Variants in ITGA5 observed in about 807,000 individuals in gnomAD.
ITGA5 encodes the protein integrin subunit alpha 5, also known as integrin alpha-5.
In ITGA5, 55 loss-of-function variants were observed where a neutral mutation model predicts 146.3. The ratio of observed to expected loss-of-function variants is 0.38; its 90% CI spans 0.30 to 0.47. ITGA5 has a LOEUF of 0.47. Among genes scored for constraint, ITGA5 ranks in the 20% least tolerant of loss-of-function variants. ITGA5 has a pLI of 0.99. For missense variants in ITGA5, 1,131 were observed against 1,329.0 expected, an observed-to-expected ratio of 0.85 and a Z score of 2.32; for synonymous variants, 500 against 531.8, an observed-to-expected ratio of 0.94 and a Z score of 0.82.
chr12:54,402,076 G>A lies in ITGA5; in HGVS notation c.2151C>T (p.Ser717=), dbSNP rs771162987. 1 of 1,614,184 alleles carries A rather than the reference G, an allele frequency of 6.2e-7. No homozygotes were observed. The highest frequency in any genetic ancestry group is 1.1e-5 in the South Asian group (1 of 91,086). Reference sequence around the variant, plus strand: ...TCTGGTTCACGGCAAAGTAGTCACAGCTCAGGCTGGAGAAGTTCTGGAGAT... The same window carrying A: ...TCTGGTTCACGGCAAAGTAGTCACAACTCAGGCTGGAGAAGTTCTGGAGAT... ...VRHPGNFSSL[S]CDYFAVNQSR... The change falls in exon 21 of 30, where the codon AGC becomes AGT. Residue 717 remains serine (S), a synonymous_variant. Transcript: ENST00000293379.
chr12:54,411,790 T>G, intron 2 of ITGA5, 44 bp downstream of exon 2: 6 of 1,334,148 alleles, frequency 4.5e-6, no homozygotes, highest in Non-Finnish European at 6.0e-6. Flanking sequence ...GCCCCCAGGC[T>G]GCAGTCCCAC....
At chr12:54,405,053 C>A in intron 12 of ITGA5, 113 bp downstream of exon 12, 1 of 1,230,128 alleles carries the variant, frequency 8.1e-7, no homozygotes. Flanking sequence ...GATTTTAACC[C>A]CTCGGGAAGT....
rs1291255820 is a variant in ITGA5 at position 54,409,797 on chromosome 12, C to CACACAT, written c.350-206_350-201dup. 5.3e-6 allele frequency: 3 copies of CACACAT among 565,802 alleles called. No homozygotes were observed. The highest frequency in any genetic ancestry group is 3.0e-5 in the East Asian group (1 of 33,766). The allele number at this position is 565,802 out of a possible 1,614,324, so 35.0% of individuals were successfully genotyped here. A position where few individuals can be genotyped will look rare whatever the true frequency, so the allele number is the denominator to read the frequency against. The stretch of plus-strand genomic sequence containing the variant: ...TGTAGCCTGACTTATCTCTCCACTA[C>CACACAT]ACACATACACATACACACACACACA... On this transcript the variant is annotated intron_variant, in intron 2 of 29. Coordinates refer to ENST00000293379, the MANE Select transcript of ITGA5 (RefSeq NM_002205.5). The surrounding 1 kb of genome is among the most constrained non-coding windows in gnomAD (Gnocchi z 4.7).
rs1362350570 is a variant in ITGA5 at position 54,396,423 on chromosome 12, T to A, written c.3067-47A>T. The A allele has an allele frequency of 2.8e-6, 4 of 1,423,412 alleles. No individual in the cohort carries two copies. The African/African-American group carries it at 5.6e-5, about 20-fold the overall frequency. The allele number at this position is 1,423,412 out of a possible 1,614,324, so 88.2% of individuals were successfully genotyped here. On this transcript the variant is annotated intron_variant, in intron 29 of 29. Transcript: ENST00000293379. ...AGAGTTTAGGTACTATGGCTGCCATTTCTCCACAGCTCTTATTCCAAGAAG... is the reference window on the plus strand; with the variant it reads ...AGAGTTTAGGTACTATGGCTGCCATATCTCCACAGCTCTTATTCCAAGAAG...
At position 54,411,819 on chromosome 12, in the gene ITGA5, A is replaced by C; in HGVS notation, c.349+15T>G. The C allele has an allele frequency of 1.3e-6, 2 of 1,482,002 alleles. No individual in the cohort carries two copies. Among genetic ancestry groups the C allele is most frequent in the South Asian group, 2.7e-5 (2 of 74,448 alleles). The allele number at this position is 1,482,002 out of a possible 1,614,324, so 91.8% of individuals were successfully genotyped here. On this transcript the variant is annotated intron_variant, in intron 2 of 29. Coordinates refer to ENST00000293379, the MANE Select transcript of ITGA5 (RefSeq NM_002205.5). ...GTCCCACCCCCCAGTCCCTCCCTGA[A>C]TTTCACTGGCCTACCTTTGCTGTCA...
At chr12:54,414,359 G>A (rs1372221603) in intron 1 of ITGA5, among the ~76,000 whole-genome samples, 1 of 152,200 alleles carries the variant, frequency 6.6e-6, no homozygotes, top group Non-Finnish European at 1.5e-5. Flanking sequence ...ACAATGGAGG[G>A]TCCGTGTGCT....
At position 54,403,625 on chromosome 12, in the gene ITGA5, C is replaced by A. The variant is rs1955820093; in HGVS notation, c.1776G>T (p.Arg592Ser). 1 of 1,613,472 alleles carries A rather than the reference C, an allele frequency of 6.2e-7. No homozygotes were observed. The highest frequency in any genetic ancestry group is 1.3e-5 in the African/African-American group (1 of 75,054). ...EDCREMKIYL[R>S]NESEFRDKLS... The stretch of plus-strand genomic sequence containing the variant: ...CCACACCCCGCCCTCTGGGCCATAC[C>A]CTGAGGTAGATCTTCATCTCTCTGC... Residue 592 changes from arginine to serine, a missense_variant and splice_region_variant, in exon 17 of 30, where the codon AGG becomes AGT. Around this residue, in one of 3 missense-constraint regions of ITGA5, gnomAD observed 889 missense variants for 1,021.5 expected, o/e 0.87. Transcript: ENST00000293379. The surrounding 1 kb of genome is among the most constrained non-coding windows in gnomAD (Gnocchi z 4.9).
At position 54,405,392 on chromosome 12, in the gene ITGA5, C is replaced by A; in HGVS notation, c.1017-18G>T. ...CATCCAGCCTGAGGGGAAGGGCAAA[C>A]CCAGGCATCTCGATACCCTGTCTTG... is the stretch of plus-strand genomic sequence containing the variant. On this transcript the variant is annotated intron_variant, in intron 11 of 29. Transcript: ENST00000293379. 3 of 1,577,794 alleles carry A rather than the reference C, an allele frequency of 1.9e-6. No homozygotes were observed. Among genetic ancestry groups the A allele is most frequent in the South Asian group, 1.1e-5 (1 of 88,708 alleles).
chr12:54,404,052 AG>A, intron 15 of ITGA5, 86 bp from the exon 16 acceptor site: 1 of 1,564,284 alleles, frequency 6.4e-7, no homozygotes, highest in Non-Finnish European at 8.8e-7. Context: ...GACCCAGACT[AG>A]GACACCACCA....
Position 54,416,821 on chromosome 12 carries a change from C to A in ITGA5, c.218+2160G>T, listed in dbSNP as rs766309934. ...CCTCTGTCTGACTGAAAGCTTTGCC[C>A]TTTCCTACCATCTAACTGCTTTGGT... is the stretch of plus-strand genomic sequence containing the variant. On this transcript the variant is annotated intron_variant, in intron 1 of 29. Transcript: ENST00000293379. This position sits in a 1 kb window ranked among gnomAD's most constrained non-coding sequence, Gnocchi z 4.1. 5.3e-5 allele frequency among the ~76,000 whole-genome samples: 8 copies of A among 152,236 alleles called. No homozygotes were observed. Among genetic ancestry groups the A allele is most frequent in the Admixed American group, 1.3e-4 (2 of 15,284 alleles).
At position 54,419,208 on chromosome 12, in the gene ITGA5, T is replaced by C; in HGVS notation, c.-10A>G. 1 of 1,552,848 alleles carries C rather than the reference T, an allele frequency of 6.4e-7. No individual in the cohort carries two copies. The highest frequency in any genetic ancestry group is 8.7e-7 in the Non-Finnish European group (1 of 1,149,478). ...GCGTCCGGCTCCCCATAGCGCCCGC[T>C]CTTCCCTGTCCTGGGGCCACCGACC... On this transcript the variant is annotated 5_prime_UTR_variant, in exon 1 of 30. Coordinates refer to ENST00000293379, the MANE Select transcript of ITGA5 (RefSeq NM_002205.5).
At chr12:54,399,190 T>C (rs1955755177) in intron 27 of ITGA5, among the ~76,000 whole-genome samples, 1 of 152,126 alleles carries the variant, frequency 6.6e-6, no homozygotes, top group African/African-American at 2.4e-5. Flanking sequence ...AATAAATGTG[T>C]AACTGAATAA....
chr12:54,396,040 T>C lies in ITGA5; in HGVS notation c.*253A>G. The C allele has an allele frequency of 2.4e-6, 1 of 421,306 alleles. No individual in the cohort carries two copies. Among genetic ancestry groups the C allele is most frequent in the Admixed American group, 4.0e-5 (1 of 25,162 alleles). 26.1% of individuals were successfully genotyped at this position (421,306 alleles called of 1,614,324 possible). On this transcript the variant is annotated 3_prime_UTR_variant, in exon 30 of 30. Transcript: ENST00000293379. ...AAGGCTTCAGGGAGGCTGGGGCCTCTGTCCCTGGATCTGAGTTCCCCCATC... is the reference window on the plus strand; with the variant it reads ...AAGGCTTCAGGGAGGCTGGGGCCTCCGTCCCTGGATCTGAGTTCCCCCATC...
In ITGA5 at chr12:54,401,696, G is replaced by A. The variant is rs1955785865; in HGVS notation, c.2307-31C>T. On this transcript the variant is annotated intron_variant, in intron 22 of 29. Coordinates refer to ENST00000293379, the MANE Select transcript of ITGA5 (RefSeq NM_002205.5). This position sits in a 1 kb window ranked among gnomAD's most constrained non-coding sequence, Gnocchi z 5.0. ...GGATGGAGGCAAGACTGAGGTGCTG[G>A]AGTGCAGCCAGTGAGAATGGCGCCC... 1 of 1,613,250 alleles carries A rather than the reference G, an allele frequency of 6.2e-7. No individual in the cohort carries two copies. Among genetic ancestry groups the A allele is most frequent in the African/African-American group, 1.3e-5 (1 of 74,994 alleles).
chr12:54,413,247 C>G (rs916153289), intron 1 of ITGA5: 1 of 152,582 alleles, frequency 6.6e-6, no homozygotes, highest in African/African-American at 2.4e-5. Context: ...TATACTGAGG[C>G]GGGGAGGAGT....
rs1357569291 is a variant in ITGA5, at chr12:54,419,118, C to G, written c.81G>C (p.Pro27=). 6.3e-7 allele frequency: 1 copy of G among 1,590,656 alleles called. No homozygotes were observed. The highest frequency in any genetic ancestry group is 8.5e-7 in the Non-Finnish European group (1 of 1,171,380). The change falls in exon 1 of 30, where the codon CCG becomes CCC. Residue 27 remains proline, a synonymous_variant. Coordinates refer to ENST00000293379, the MANE Select transcript of ITGA5 (RefSeq NM_002205.5). ...WGPRRRPPLL[P]LLLLLLPPPP... ...GCGGCGGCAGCAGCAGCAACAGCAG[C>G]GGCAGCAGCGGGGGTCGGCGCCGGG...
intron 27 of ITGA5, 57 bp from the exon 28 acceptor site, chr12:54,398,755 G>A (rs184620316): frequency 5.0e-6 from 6 of 1,195,732 alleles, no homozygotes; most frequent in Non-Finnish European, 7.1e-6. Flanking sequence ...GAGGACATAG[G>A]GTTCCCCATC....
chr12:54,404,824 T>C lies in ITGA5; in HGVS notation c.1296A>G (p.Pro432=). ...QGVVFVFPGG[P]GGLGSKPSQV... is the part of the protein sequence containing the mutation. ...GGGAAGGCTTAGAGCCCAGCCCTCC[T>C]GGGCCCCCAGGAAATACAAACACTA... The change falls in exon 13 of 30, where the codon CCA becomes CCG. Residue 432 remains proline, a synonymous_variant. Transcript: ENST00000293379. 1 of 1,612,388 alleles carries C rather than the reference T, an allele frequency of 6.2e-7. No individual in the cohort carries two copies. The highest frequency in any genetic ancestry group is 8.5e-7 in the Non-Finnish European group (1 of 1,179,384).
At position 54,411,972 on chromosome 12, in the gene ITGA5, G is replaced by C; in HGVS notation, c.219-8C>G. On this transcript the variant is annotated splice_polypyrimidine_tract_variant and splice_region_variant and intron_variant, in intron 1 of 29. Transcript: ENST00000293379. The stretch of plus-strand genomic sequence containing the variant: ...CCCACCAGCACACTGACCCTGTGGG[G>C]GGGAAAAGCGAGGCAGTTGAGGATG... 2 of 1,563,142 alleles carry C rather than the reference G, an allele frequency of 1.3e-6. No individual in the cohort carries two copies. The highest frequency in any genetic ancestry group is 1.7e-6 in the Non-Finnish European group (2 of 1,156,330).
Sources: gnomAD v4.1 joint callset for allele counts (sites outside exome capture counted in the v4.1 genomes callset) on GRCh38, gnomAD v4.1.1 for gene constraint, gnomAD v4.1.1 regional missense constraint, Gnocchi (gnomAD v3.1) non-coding constraint, MANE v1.5 for transcripts, NCBI Gene and HGNC (gene_info 2026-07-23, HGNC 2026-07-21) for gene names.